CCDC194: variants seen among roughly 807,000 people sequenced by gnomAD.
CCDC194 encodes the protein coiled-coil domain containing 194, also known as coiled-coil domain-containing protein 194.
A neutral mutation model predicts 4.9 loss-of-function variants in CCDC194; 8 were observed. The observed-to-expected ratio is 1.65, with a 90% CI of 0.97 to 2.97. The LOEUF (loss-of-function observed/expected upper bound fraction) is 2.97, where lower values mean the gene tolerates loss of function less well. CCDC194 is among the 30% of genes most tolerant of loss of function. CCDC194 has a pLI of 0.00. For missense variants in CCDC194, 52 were observed against 43.1 expected (o/e 1.21, Z -0.58); for synonymous variants, 13 against 17.0 (o/e 0.76, Z 0.58).
chr19:17,391,661 C>T (rs1435001185), intron 2 of CCDC194, 89 bp downstream of exon 2: 3 of 1,534,340 alleles, frequency 2.0e-6, no homozygotes, highest in Middle Eastern at 1.7e-4. Context: ...ATTTGCATTA[C>T]GTTTGCAACT....
At chr19:17,392,333 G>A (rs1464518552) in intron 1 of CCDC194, 2 of 151,770 alleles carry the variant, frequency 1.3e-5, no homozygotes, top group East Asian at 3.8e-4. Context: ...AAAAATAGCA[G>A]TGTGTGGTGG....
chr19:17,393,451 C>T (rs1195486523), intron 1 of CCDC194, among the ~76,000 whole-genome samples: 1 of 143,204 alleles, frequency 7.0e-6, no homozygotes, highest in Non-Finnish European at 1.5e-5. Flanking sequence ...TGCAGTGGCG[C>T]GGTCTCAGCT....
downstream of CCDC194, among the ~76,000 whole-genome samples, chr19:17,390,231 C>G (rs2074648886): frequency 1.3e-5 from 2 of 152,238 alleles, no homozygotes; most frequent in South Asian, 4.1e-4. The surrounding 1 kb of genome is among the most constrained non-coding windows in gnomAD (Gnocchi z 5.5). Flanking sequence ...TGTGGGATGA[C>G]GGCAACATTG....
downstream of CCDC194, among the ~76,000 whole-genome samples, chr19:17,389,791 C>A (rs1168779872): frequency 1.3e-5 from 2 of 152,088 alleles, no homozygotes; most frequent in African/African-American, 4.8e-5. Context: ...ATGGTGTAAC[C>A]CCGTCTCTAC....
chr19:17,390,506 G>T, downstream of CCDC194: 1 of 392,862 alleles, frequency 2.5e-6, no homozygotes, highest in South Asian at 1.3e-4. This position sits in a 1 kb window ranked among gnomAD's most constrained non-coding sequence, Gnocchi z 5.5. Flanking sequence ...GCAGGGGGCC[G>T]ACTCACCCTC....
In CCDC194 at chr19:17,391,251, C is replaced by A. The variant is rs749727050; in HGVS notation, c.514G>T (p.Glu172Ter). The A allele has an allele frequency of 4.9e-6, 2 of 406,238 alleles. No individual in the cohort carries two copies. Among genetic ancestry groups the A allele is most frequent in the Non-Finnish European group, 8.6e-6 (2 of 231,560 alleles). The allele number at this position is 406,238 out of a possible 1,614,324, so 25.2% of individuals were successfully genotyped here. A position where few individuals can be genotyped will look rare whatever the true frequency, so the allele number is the denominator to read the frequency against. Residue 172 changes from glutamate (E) to a stop codon, truncating the protein, a stop_gained, in exon 3 of 4, where the codon GAA becomes TAA. Coordinates refer to ENST00000636079, the Ensembl canonical transcript of CCDC194. LOFTEE classifies it low-confidence loss of function (END_TRUNC). ...GCCGCCTCCCGGGCCGCACAGGCTTCGCCCTCGGCCTCCGCCACGCCTGCG... is the reference window on the plus strand; with the variant it reads ...GCCGCCTCCCGGGCCGCACAGGCTTAGCCCTCGGCCTCCGCCACGCCTGCG...
Position 17,390,530 on chromosome 19 carries a change from C to T in CCDC194, c.684G>A (p.Pro228=). 7.6e-6 allele frequency: 3 copies of T among 394,654 alleles called. No individual in the cohort carries two copies. The highest frequency in any genetic ancestry group is 2.1e-5 in the African/African-American group (1 of 48,474). The allele number at this position is 394,654 out of a possible 1,614,324, so 24.4% of individuals were successfully genotyped here. The stretch of plus-strand genomic sequence containing the variant: ...CGACTCACCCTCGTGCGCGCCGCGC[C>T]GGCCGCCGGCAGCCCCCGGAGGGTC... The change falls in exon 4 of 4, where the codon CCG becomes CCA. Residue 228 remains proline (P), a synonymous_variant. Coordinates refer to ENST00000636079, the Ensembl canonical transcript of CCDC194. The surrounding 1 kb of genome is among the most constrained non-coding windows in gnomAD (Gnocchi z 5.5).
In CCDC194 at chr19:17,391,262, T is replaced by G. The variant is rs1599587598; in HGVS notation, c.503A>C (p.Glu168Ala). 4 of 407,842 alleles carry G rather than the reference T, an allele frequency of 9.8e-6. No homozygotes were observed. The East Asian group carries it at 1.4e-4, about 15-fold the overall frequency. The allele number at this position is 407,842 out of a possible 1,614,324, so 25.3% of individuals were successfully genotyped here. Residue 168 changes from glutamate to alanine, a missense_variant, in exon 3 of 4, where the codon GAG becomes GCG. Glu to Ala is a moderately radical substitution (Grantham distance 107). Coordinates refer to ENST00000636079, the Ensembl canonical transcript of CCDC194. ...GGCCGCACAGGCTTCGCCCTCGGCC[T>G]CCGCCACGCCTGCGCGCCGCAGAGC... is the stretch of plus-strand genomic sequence containing the variant.
At position 17,390,922 on chromosome 19, in the gene CCDC194, C is replaced by T. The variant is rs1358191484; in HGVS notation, c.555-263G>A. On this transcript the variant is annotated intron_variant, in intron 3 of 3. Coordinates refer to ENST00000636079, the Ensembl canonical transcript of CCDC194. This position sits in a 1 kb window ranked among gnomAD's most constrained non-coding sequence, Gnocchi z 5.5. ...CTCCCTCGATACTCCCTTTTCCTTG[C>T]TCCCTTCTCTTCCGTTCCCCGTCCC... 6.6e-6 allele frequency among the ~76,000 whole-genome samples: 1 copy of T among 152,062 alleles called. No homozygotes were observed. Among genetic ancestry groups the T allele is most frequent in the African/African-American group, 2.4e-5 (1 of 41,410 alleles).
intron 1 of CCDC194, 36 bp from the exon 2 acceptor site, chr19:17,391,882 C>G: frequency 6.8e-7 from 1 of 1,468,416 alleles, no homozygotes; most frequent in Non-Finnish European, 9.0e-7. Context: ...GGGGTGTAGG[C>G]AGAGGAGAGG....
At chr19:17,393,941 A>T (rs1241635252) in exon 1 of CCDC194, 1 of 396,594 alleles carries the variant, frequency 2.5e-6, no homozygotes, top group Non-Finnish European at 4.4e-6. Flanking sequence ...AGCCTCTGCC[A>T]GCCGGCGCCG....
At chr19:17,391,954 GA>G in intron 1 of CCDC194, 108 bp from the exon 2 acceptor site, 1 of 1,066,464 alleles carries the variant, frequency 9.4e-7, no homozygotes, top group Non-Finnish European at 1.3e-6. Flanking sequence ...CCTGTGTCCT[GA>G]GCTTTGTGTG....
downstream of CCDC194, among the ~76,000 whole-genome samples, chr19:17,387,583 G>A (rs116348351): frequency 4.6e-5 from 7 of 152,094 alleles, no homozygotes; most frequent in Non-Finnish European, 8.8e-5. Context: ...AGCTGAGTCT[G>A]GTGATGGGCG....
At chr19:17,390,411 G>A (rs1269069390), downstream of CCDC194, 2 of 383,790 alleles carry the variant, frequency 5.2e-6, no homozygotes, top group Non-Finnish European at 9.2e-6. This position sits in a 1 kb window ranked among gnomAD's most constrained non-coding sequence, Gnocchi z 5.5. Flanking sequence ...AAAGCTGAGT[G>A]TCGCATCCAG....
rs2074653118 is a variant in CCDC194 at position 17,391,210 on chromosome 19, C to T, written c.554+1G>A. 5.0e-6 allele frequency: 2 copies of T among 400,230 alleles called. No homozygotes were observed. Among genetic ancestry groups the T allele is most frequent in the Non-Finnish European group, 8.8e-6 (2 of 227,358 alleles). The allele number at this position is 400,230 out of a possible 1,614,324, so 24.8% of individuals were successfully genotyped here. ...CGCCCTCGGGCCAGCCCCTCACTCA[C>T]AGGCGTTCGCGCAGCGCCGCCTCCC... On this transcript the variant is annotated splice_donor_variant, in intron 3 of 3. Coordinates refer to ENST00000636079, the Ensembl canonical transcript of CCDC194. LOFTEE classifies it high-confidence loss of function.
rs542192747 is a variant in CCDC194, at chr19:17,391,363, G to C, written c.422-20C>G. On this transcript the variant is annotated intron_variant, in intron 2 of 3. Transcript: ENST00000636079. Reference sequence around the variant, plus strand: ...GGGCCTCTGGGGGCGCAGGGAGCCGGGTCAGGCTGGAGACTCCCGCGCCCA... The same window carrying C: ...GGGCCTCTGGGGGCGCAGGGAGCCGCGTCAGGCTGGAGACTCCCGCGCCCA... 1.1e-5 allele frequency: 5 copies of C among 465,800 alleles called. No individual in the cohort carries two copies. The highest frequency in any genetic ancestry group is 1.5e-5 in the Non-Finnish European group (4 of 267,240). 28.9% of individuals were successfully genotyped at this position (465,800 alleles called of 1,614,324 possible).
rs532440662 is a variant in CCDC194, at chr19:17,390,635, G to A, written c.579C>T (p.Ser193=). The A allele has an allele frequency of 2.9e-4, 117 of 398,052 alleles. No individual in the cohort carries two copies. Among genetic ancestry groups the A allele is most frequent in the African/African-American group, 2.3e-3 (111 of 48,702 alleles). 24.7% of individuals were successfully genotyped at this position (398,052 alleles called of 1,614,324 possible). A position where few individuals can be genotyped will look rare whatever the true frequency, so the allele number is the denominator to read the frequency against. Residue 193 remains serine (S), a synonymous_variant, in exon 4 of 4, where the codon AGC becomes AGT. Coordinates refer to ENST00000636079, the Ensembl canonical transcript of CCDC194. This position sits in a 1 kb window ranked among gnomAD's most constrained non-coding sequence, Gnocchi z 5.5. ...GCGGCCGGGGCACTCTGCGCTGTGG[G>A]CTCATCTCGGCTTCCAGGACGTTAC...
chr19:17,389,776 C>T (rs368786872), downstream of CCDC194, among the ~76,000 whole-genome samples: 6 of 152,118 alleles, frequency 3.9e-5, no homozygotes, highest in African/African-American at 1.4e-4. Flanking sequence ...ACCAGCCTGG[C>T]CAACATGGTG....
At chr19:17,392,042 G>C (rs2145737542) in intron 1 of CCDC194, 196 bp from the exon 2 acceptor site, 1 of 507,816 alleles carries the variant, frequency 2.0e-6, no homozygotes, top group Non-Finnish European at 3.4e-6. Flanking sequence ...GGTGACAGCT[G>C]CCTGCCTGGA....
Sources: gnomAD v4.1 joint callset for allele counts (sites outside exome capture counted in the v4.1 genomes callset) on GRCh38, gnomAD v4.1.1 for gene constraint, Gnocchi (gnomAD v3.1) non-coding constraint, MANE v1.5 for transcripts, NCBI Gene and HGNC (gene_info 2026-07-23, HGNC 2026-07-21) for gene names.